ITGA4: variants seen among roughly 807,000 people sequenced by gnomAD.
ITGA4 encodes integrin alpha-4.
A neutral mutation model predicts 133.6 loss-of-function variants in ITGA4; 63 were observed. The observed-to-expected ratio is 0.47, with a 90% confidence interval of 0.38 to 0.58. The LOEUF (loss-of-function observed/expected upper bound fraction) is 0.58, where lower values mean the gene tolerates loss of function less well. ITGA4 is among the 20% of genes least tolerant of loss of function. The pLI, the probability that ITGA4 is intolerant of heterozygous loss-of-function variation, is 0.00. For synonymous variants in ITGA4, 483 were observed against 438.0 expected (o/e 1.10, Z -1.28); for missense variants, 1,076 against 1,252.7 (o/e 0.86, Z 2.13).
intron 2 of ITGA4, among the ~76,000 whole-genome samples, chr2:181,462,209 C>G (rs1574373283): frequency 6.6e-6 from 1 of 152,078 alleles, no homozygotes; most frequent in African/African-American, 2.4e-5. Context: ...CTTTCACTTT[C>G]TTTTCTAGAC....
chr2:181,534,370 T>G lies in ITGA4; in HGVS notation c.2883T>G (p.His961Gln), dbSNP rs7562325. Residue 961 changes from histidine (H) to glutamine (Q), a missense_variant and splice_region_variant, in exon 26 of 28, where the codon CAT becomes CAG. This residue lies in a region of ITGA4 where 193 missense variants were observed against 172.3 expected (regional missense o/e 1.12). Transcript: ENST00000397033. ...TAAACAAGGATGAGAATGTTGCGCA[T>G]GTAAGATTACCCTCTTAACTGCTAC... is the stretch of plus-strand genomic sequence containing the variant. Reference protein sequence around the residue: ...IELNKDENVAHVLLEGLHHQR... With the variant: ...IELNKDENVAQVLLEGLHHQR... 5 of 1,528,372 alleles carry G rather than the reference T, an allele frequency of 3.3e-6. No homozygotes were observed. Among genetic ancestry groups the G allele is most frequent in the South Asian group, 1.1e-5 (1 of 88,884 alleles). 94.7% of individuals were successfully genotyped at this position (1,528,372 alleles called of 1,614,324 possible).
rs566278289 is a variant in ITGA4 at position 181,488,704 on chromosome 2, A to G, written c.1153+2712A>G. ...CTCCCGAGTAGCTGGGACTACAGGC[A>G]CCCGCCACCACCCCAGCTAATTTTT... On this transcript the variant is annotated intron_variant, in intron 10 of 27. Coordinates refer to ENST00000397033, the MANE Select transcript of ITGA4 (RefSeq NM_000885.6). Among the ~76,000 whole-genome samples the G allele has an allele frequency of 2.2e-3, 329 of 151,698 alleles. 1 individual carries two copies. The highest frequency in any genetic ancestry group is 4.2e-3 in the African/African-American group (175 of 41,358).
Position 181,491,269 on chromosome 2 carries a change from G to GTTAT in ITGA4, c.1154-2056_1154-2055insTTAT, listed in dbSNP as rs1334005895. 7.3e-3 allele frequency among the ~76,000 whole-genome samples: 2 copies of GTTAT among 274 alleles called. 1 individual carries two copies. The highest frequency in any genetic ancestry group is 1 in the East Asian group (2 of 2). 0.2% of individuals were successfully genotyped at this position (274 alleles called of 152,430 possible). A position where few individuals can be genotyped will look rare whatever the true frequency, so the allele number is the denominator to read the frequency against. ...TAAGAATTACATCGCCGGGCGCGGT[G>GTTAT]GCTCACGCCTGTAATCCCAGCACTT... On this transcript the variant is annotated intron_variant, in intron 10 of 27. Transcript: ENST00000397033.
At chr2:181,508,476 A>C (rs957159939) in intron 15 of ITGA4, among the ~76,000 whole-genome samples, 1 of 151,736 alleles carries the variant, frequency 6.6e-6, no homozygotes, top group Non-Finnish European at 1.5e-5. Context: ...GGGGTGGATC[A>C]CTTGAGGTCA....
At position 181,474,431 on chromosome 2, in the gene ITGA4, C is replaced by T. The variant is rs914340557; in HGVS notation, c.320-529C>T. Among the ~76,000 whole-genome samples the T allele has an allele frequency of 5.3e-5, 8 of 152,234 alleles. No individual in the cohort carries two copies. The South Asian group carries it at 1.0e-3, about 20-fold the overall frequency. On this transcript the variant is annotated intron_variant, in intron 2 of 27. Coordinates refer to ENST00000397033, the MANE Select transcript of ITGA4 (RefSeq NM_000885.6). ...TAAACATAGGGCAGTTTCTTATAAACGCAAGGCATTATTGGTATGCTAATT... is the reference window on the plus strand; with the variant it reads ...TAAACATAGGGCAGTTTCTTATAAATGCAAGGCATTATTGGTATGCTAATT...
At chr2:181,470,677 C>G (rs1685527134) in intron 2 of ITGA4, among the ~76,000 whole-genome samples, 1 of 151,848 alleles carries the variant, frequency 6.6e-6, no homozygotes, top group Non-Finnish European at 1.5e-5. Context: ...GATCATGTAG[C>G]AGTCTTACTT....
At position 181,536,361 on chromosome 2, in the gene ITGA4, TTGTGAG is replaced by T. The variant is rs1329263246; in HGVS notation, c.*838_*843del. ...TTTTGTTATATTCTGAAACAAAAGA[TTGTGAG>T]TGTTGCACTTTACCTGATACACGCT... On this transcript the variant is annotated 3_prime_UTR_variant, in exon 28 of 28. Transcript: ENST00000397033. Among the ~76,000 whole-genome samples the T allele has an allele frequency of 6.8e-6, 1 of 148,044 alleles. No homozygotes were observed. The highest frequency in any genetic ancestry group is 2.4e-5 in the African/African-American group (1 of 41,176).
intron 9 of ITGA4, among the ~76,000 whole-genome samples, chr2:181,485,361 G>A (rs1685891865): frequency 1.3e-5 from 2 of 151,744 alleles, no homozygotes; most frequent in South Asian, 4.2e-4. Context: ...ATAGCCTCCT[G>A]GCATGCCATT....
chr2:181,523,983 T>C lies in ITGA4; in HGVS notation c.2170-188T>C, dbSNP rs1384651422. 2.0e-5 allele frequency among the ~76,000 whole-genome samples: 3 copies of C among 152,200 alleles called. No individual in the cohort carries two copies. The highest frequency in any genetic ancestry group is 4.4e-5 in the Non-Finnish European group (3 of 68,034). ...TCTGAATGTTACGTGTGGATATGTG[T>C]GTACTTTAAAATAGCCACAAACCCA... is the stretch of plus-strand genomic sequence containing the variant. On this transcript the variant is annotated intron_variant, in intron 19 of 27. Transcript: ENST00000397033. This position sits in a 1 kb window ranked among gnomAD's most constrained non-coding sequence, Gnocchi z 4.2.
rs772996455 is a variant in ITGA4, at chr2:181,527,354, G to A, written c.2397G>A (p.Thr799=). 15 of 1,612,506 alleles carry A rather than the reference G, an allele frequency of 9.3e-6. No homozygotes were observed. Among genetic ancestry groups the A allele is most frequent in the Admixed American group, 3.3e-5 (2 of 60,014 alleles). ...CAAATGATGAAAATGAGCCTGAAAC[G>A]TGCATGGTGGAGAAAATGAACTTAA... ...YGSNDENEPE[T]CMVEKMNLTF... The change falls in exon 22 of 28, where the codon ACG becomes ACA. Residue 799 remains threonine, a synonymous_variant. Coordinates refer to ENST00000397033, the MANE Select transcript of ITGA4 (RefSeq NM_000885.6).
At chr2:181,469,997 T>G (rs1194947042) in intron 2 of ITGA4, among the ~76,000 whole-genome samples, 1 of 151,882 alleles carries the variant, frequency 6.6e-6, no homozygotes, top group African/African-American at 2.4e-5. Context: ...GACACCAACA[T>G]GGCACATGTA....
intron 2 of ITGA4, among the ~76,000 whole-genome samples, chr2:181,461,073 C>T (rs900888816): frequency 2.0e-5 from 3 of 151,412 alleles, no homozygotes; most frequent in African/African-American, 2.4e-5. Flanking sequence ...AATTTCAGAT[C>T]AGTGGTTGAT....
chr2:181,537,786 T>TA lies in ITGA4; in HGVS notation c.*2260dup. 2.2e-6 allele frequency: 1 copy of TA among 458,284 alleles called. No homozygotes were observed. Among genetic ancestry groups the TA allele is most frequent in the Non-Finnish European group, 4.3e-6 (1 of 231,134 alleles). The allele number at this position is 458,284 out of a possible 1,614,324, so 28.4% of individuals were successfully genotyped here. A position where few individuals can be genotyped will look rare whatever the true frequency, so the allele number is the denominator to read the frequency against. ...TATCTAAAAACAGAATTTGAATTGA[T>TA]ATTTCATCTTGACTTTTAAAGCCCT... On this transcript the variant is annotated 3_prime_UTR_variant, in exon 28 of 28. Coordinates refer to ENST00000397033, the MANE Select transcript of ITGA4 (RefSeq NM_000885.6).
At chr2:181,483,568 TA>T (rs1179214139) in intron 9 of ITGA4, among the ~76,000 whole-genome samples, 1 of 151,674 alleles carries the variant, frequency 6.6e-6, no homozygotes. Flanking sequence ...CTCTACAATT[TA>T]AGAAAGAAAA....
At chr2:181,480,378 A>G (rs1361900561) in intron 6 of ITGA4, 112 bp downstream of exon 6, 1 of 535,464 alleles carries the variant, frequency 1.9e-6, no homozygotes, top group Non-Finnish European at 3.1e-6. Context: ...GTATAATTAC[A>G]GTAATAATTA....
chr2:181,479,058 G>T (rs1559041578), intron 5 of ITGA4: 2 of 312,294 alleles, frequency 6.4e-6, no homozygotes, highest in Non-Finnish European at 1.2e-5. Context: ...CTATACTAAA[G>T]AACATTTCTT....
At chr2:181,466,238 G>A (rs944495558) in intron 2 of ITGA4, among the ~76,000 whole-genome samples, 2 of 151,826 alleles carry the variant, frequency 1.3e-5, no homozygotes. Flanking sequence ...ATAAAGCTTG[G>A]CACTACTCTC....
chr2:181,485,327 T>A (rs1199542465), intron 9 of ITGA4, among the ~76,000 whole-genome samples: 1 of 152,228 alleles, frequency 6.6e-6, no homozygotes, highest in East Asian at 1.9e-4. Context: ...TTTCTCTGTA[T>A]ATCAAAATTA....
chr2:181,470,246 A>G (rs1685515916), intron 2 of ITGA4, among the ~76,000 whole-genome samples: 1 of 152,152 alleles, frequency 6.6e-6, no homozygotes, highest in African/African-American at 2.4e-5. Flanking sequence ...CAAAGAAAAT[A>G]AAATCAATAT....
Sources: gnomAD v4.1 joint callset for allele counts (sites outside exome capture counted in the v4.1 genomes callset) on GRCh38, gnomAD v4.1.1 for gene constraint, gnomAD v4.1.1 regional missense constraint, Gnocchi (gnomAD v3.1) non-coding constraint, MANE v1.5 for transcripts, NCBI Gene and HGNC (gene_info 2026-07-23, HGNC 2026-07-21) for gene names.